Variants in RFX3 observed in about 807,000 individuals in gnomAD.
The protein encoded by RFX3 is regulatory factor X3, also known as transcription factor RFX3.
Under a neutral mutation model 98.6 loss-of-function variants are expected in RFX3, and 14 were observed. The observed-to-expected ratio is 0.14, with a 90% CI of 0.09 to 0.22. The LOEUF (loss-of-function observed/expected upper bound fraction) is 0.22, where lower values mean the gene tolerates loss of function less well. RFX3 is among the 10% of genes least tolerant of loss of function. The pLI is 1.00. For synonymous variants in RFX3, 383 were observed against 328.4 expected (o/e 1.17, Z -1.80); for missense variants, 639 against 926.9 (o/e 0.69, Z 4.03).
At chr9:3,427,270 A>G (rs898818727) in intron 1 of RFX3, among the ~76,000 whole-genome samples, 1 of 143,876 alleles carries the variant, frequency 7.0e-6, no homozygotes, top group Non-Finnish European at 1.5e-5. Context: ...CTATATATAT[A>G]TTTTATTATA....
At chr9:3,505,801 A>G (rs559371165) in intron 1 of RFX3, among the ~76,000 whole-genome samples, 15 of 145,702 alleles carry the variant, frequency 1.0e-4, no homozygotes, top group Non-Finnish European at 2.1e-4. Flanking sequence ...TGCTTCTCAC[A>G]TTTGTTTTTT....
At position 3,487,659 on chromosome 9, in the gene RFX3, G is replaced by C. The variant is rs150101824; in HGVS notation, c.-9+38088C>G. Among the ~76,000 whole-genome samples the C allele has an allele frequency of 1.5e-3, 229 of 152,056 alleles. 1 individual carries two copies. The highest frequency in any genetic ancestry group is 5.3e-3 in the African/African-American group (220 of 41,510). On this transcript the variant is annotated intron_variant, in intron 1 of 16. Coordinates refer to ENST00000617270, the MANE Select transcript of RFX3 (RefSeq NM_001282116.2). ...TCCTTCCACCTAGAAAAGCAATATAGAGAGCAGCTTCGAAACCCTGTCTCC... is the reference window on the plus strand; with the variant it reads ...TCCTTCCACCTAGAAAAGCAATATACAGAGCAGCTTCGAAACCCTGTCTCC...
intron 1 of RFX3, among the ~76,000 whole-genome samples, chr9:3,510,174 T>C (rs993577800): frequency 2.6e-5 from 4 of 151,890 alleles, no homozygotes; most frequent in Non-Finnish European, 5.9e-5. Context: ...AAGTGGAATA[T>C]GGCAGTAAAA....
At chr9:3,418,544 T>C (rs978499910) in intron 1 of RFX3, among the ~76,000 whole-genome samples, 6 of 152,010 alleles carry the variant, frequency 3.9e-5, no homozygotes, top group African/African-American at 1.5e-4. Flanking sequence ...CATGCCCAGC[T>C]AATTTTTGCG....
chr9:3,456,356 T>C (rs750498053), intron 1 of RFX3, among the ~76,000 whole-genome samples: 31 of 152,226 alleles, frequency 2.0e-4, no homozygotes, highest in African/African-American at 7.2e-4. Flanking sequence ...CAAACCTATA[T>C]GCAAAATTTT....
At chr9:3,387,730 C>A (rs1037808990) in intron 2 of RFX3, among the ~76,000 whole-genome samples, 13 of 152,130 alleles carry the variant, frequency 8.5e-5, no homozygotes, top group African/African-American at 2.9e-4. Context: ...ACTGTCCCCC[C>A]TCAGGGAACC....
chr9:3,472,915 G>A (rs1463265363), intron 1 of RFX3, among the ~76,000 whole-genome samples: 1 of 152,176 alleles, frequency 6.6e-6, no homozygotes, highest in African/African-American at 2.4e-5. Flanking sequence ...AACTACTGCA[G>A]TAACGAGATG....
At chr9:3,228,739 T>C in intron 16 of RFX3, 108 bp downstream of exon 16, 2 of 836,136 alleles carry the variant, frequency 2.4e-6, no homozygotes, top group Non-Finnish European at 3.6e-6. Flanking sequence ...AGGATTTGTA[T>C]GCCACTTCCA....
intron 2 of RFX3, among the ~76,000 whole-genome samples, chr9:3,384,729 T>C (rs920971063): frequency 1.4e-4 from 22 of 152,170 alleles, no homozygotes; most frequent in African/African-American, 5.3e-4. Context: ...ATATTATTCA[T>C]AAGCTCAAGA....
intron 4 of RFX3, among the ~76,000 whole-genome samples, chr9:3,329,164 T>C (rs538007482): frequency 6.6e-6 from 1 of 152,164 alleles, no homozygotes; most frequent in Admixed American, 6.5e-5. Flanking sequence ...CCCAGCACTT[T>C]GGGAGGCTGA....
chr9:3,445,722 G>A (rs769177874), intron 1 of RFX3, among the ~76,000 whole-genome samples: 1 of 151,990 alleles, frequency 6.6e-6, no homozygotes, highest in Admixed American at 6.6e-5. Flanking sequence ...ACTTGTCAAC[G>A]CGATCGATAG....
intron 5 of RFX3, 150 bp from the exon 6 acceptor site, chr9:3,293,408 T>C: frequency 1.8e-6 from 1 of 559,680 alleles, no homozygotes; most frequent in Non-Finnish European, 3.0e-6. Flanking sequence ...AAGGTGGTAA[T>C]CTGCCTTTGA....
At chr9:3,344,618 G>C (rs1834238208) in intron 3 of RFX3, 5 of 539,346 alleles carry the variant, frequency 9.3e-6, no homozygotes, top group Non-Finnish European at 1.6e-5. Flanking sequence ...CTTTTCCCTT[G>C]TCACATTCTA....
chr9:3,436,503 T>G (rs763393996), intron 1 of RFX3, among the ~76,000 whole-genome samples: 9 of 152,042 alleles, frequency 5.9e-5, no homozygotes, highest in Non-Finnish European at 8.8e-5. Context: ...GATAAGAGTA[T>G]TTATGTCAAA....
chr9:3,346,001 G>C (rs1008778824), intron 3 of RFX3, among the ~76,000 whole-genome samples: 1 of 152,100 alleles, frequency 6.6e-6, no homozygotes, highest in Admixed American at 6.5e-5. Context: ...AAGCCAACAG[G>C]TTGCAAACAA....
intron 15 of RFX3, among the ~76,000 whole-genome samples, chr9:3,244,015 T>TC (rs1369145149): frequency 6.6e-6 from 1 of 151,460 alleles, no homozygotes; most frequent in Non-Finnish European, 1.5e-5. Flanking sequence ...TTATTTTTTT[T>TC]TTTTGAGATG....
chr9:3,323,948 A>G, intron 4 of RFX3: 1 of 378,678 alleles, frequency 2.6e-6, no homozygotes, highest in East Asian at 7.6e-5. Context: ...AGATGAAGTG[A>G]TGGAGACTAC....
At chr9:3,436,704 A>C (rs7039938) in intron 1 of RFX3, among the ~76,000 whole-genome samples, 2,030 of 152,186 alleles carry the variant, frequency 0.013, 29 homozygotes, top group East Asian at 0.027. Context: ...CTTTAACCCA[A>C]AAGAAACAGG....
At chr9:3,378,262 G>C (rs561694357) in intron 2 of RFX3, among the ~76,000 whole-genome samples, 2 of 152,032 alleles carry the variant, frequency 1.3e-5, no homozygotes, top group East Asian at 3.8e-4. Flanking sequence ...CCCTTTTCTT[G>C]TTTCTGCCTG....
Sources: gnomAD v4.1 joint callset for allele counts (sites outside exome capture counted in the v4.1 genomes callset) on GRCh38, gnomAD v4.1.1 for gene constraint, MANE v1.5 for transcripts, NCBI Gene and HGNC (gene_info 2026-07-23, HGNC 2026-07-21) for gene names.